TRPC6: variants seen among roughly 807,000 people sequenced by gnomAD.
TRPC6 encodes short transient receptor potential channel 6.
TRPC6 carries 55 observed loss-of-function variants against 90.7 expected under a neutral mutation model. That is an observed-to-expected ratio of 0.61 (90% CI 0.49 to 0.76). The LOEUF is 0.76. Among genes scored for constraint, TRPC6 ranks in the 30% least tolerant of loss-of-function variants. The probability of loss-of-function intolerance (pLI) is 0.00; values close to 1 mark genes in which losing one functional copy is unlikely to be tolerated. For missense variants in TRPC6, 989 were observed against 1,122.7 expected, an observed-to-expected ratio of 0.88 and a Z score of 1.70; for synonymous variants, 393 against 393.0, an observed-to-expected ratio of 1.00 and a Z score of 0.00.
At chr11:101,543,757 G>A (rs186267761) in intron 1 of TRPC6, among the ~76,000 whole-genome samples, 5 of 152,256 alleles carry the variant, frequency 3.3e-5, no homozygotes, top group East Asian at 1.9e-4. Flanking sequence ...AGACTTAAAT[G>A]TAAGAACTAA....
At position 101,470,809 on chromosome 11, in the gene TRPC6, C is replaced by CA. The variant is rs1161034906; in HGVS notation, c.2409+373_2409+374insT. On this transcript the variant is annotated intron_variant, in intron 9 of 12. Coordinates refer to ENST00000344327, the MANE Select transcript of TRPC6 (RefSeq NM_004621.6). ...CTAAGAGTTAATCAAGTTGCCCCGC[C>CA]CCCCCCCCCTCCCCGAGTCATAACA... Among the ~76,000 whole-genome samples, 13 of 43,300 alleles carry CA rather than the reference C, an allele frequency of 3.0e-4. No homozygotes were observed. In the Admixed American group the frequency reaches 3.7e-3, roughly 12 times the overall value. The allele number at this position is 43,300 out of a possible 152,430, so 28.4% of individuals were successfully genotyped here.
At chr11:101,467,731 C>T (rs1859183442) in intron 10 of TRPC6, among the ~76,000 whole-genome samples, 1 of 152,148 alleles carries the variant, frequency 6.6e-6, no homozygotes, top group African/African-American at 2.4e-5. Flanking sequence ...TATGGTCTCT[C>T]TCACATATCC....
In TRPC6 at chr11:101,573,964, G is replaced by C. The variant is rs941651028; in HGVS notation, c.170+9370C>G. On this transcript the variant is annotated intron_variant, in intron 1 of 12. Transcript: ENST00000344327. ...TGTGTGTGTGTGTGTGTGTATGTGT[G>C]TGTGTGTTGAGAAGGGTGGAGAGTA... Among the ~76,000 whole-genome samples the C allele has an allele frequency of 3.9e-4, 56 of 144,030 alleles. 3 individuals are homozygous for C. Among genetic ancestry groups the C allele is most frequent in the African/African-American group, 1.5e-3 (56 of 38,440 alleles). The allele number at this position is 144,030 out of a possible 152,430, so 94.5% of individuals were successfully genotyped here. A position where few individuals can be genotyped will look rare whatever the true frequency, so the allele number is the denominator to read the frequency against.
rs183000371 is a variant in TRPC6, at chr11:101,509,116, G to A, written c.171-4318C>T. Among the ~76,000 whole-genome samples, 9 of 147,294 alleles carry A rather than the reference G, an allele frequency of 6.1e-5. No individual in the cohort carries two copies. In the East Asian group the frequency reaches 1.8e-3, roughly 29 times the overall value. Reference sequence around the variant, plus strand: ...GGCAAGGACTGAGATGGTAATTGATGTAAGTTGTTTTGTCTTTTTCTTTTT... The same window carrying A: ...GGCAAGGACTGAGATGGTAATTGATATAAGTTGTTTTGTCTTTTTCTTTTT... On this transcript the variant is annotated intron_variant, in intron 1 of 12. Transcript: ENST00000344327.
At chr11:101,531,131 T>C (rs529215237) in intron 1 of TRPC6, among the ~76,000 whole-genome samples, 24 of 152,336 alleles carry the variant, frequency 1.6e-4, no homozygotes, top group African/African-American at 5.8e-4. Flanking sequence ...TGGTGATGGA[T>C]GTGTTGATTA....
chr11:101,583,038 A>C (rs1862234259), intron 1 of TRPC6: 1 of 379,290 alleles, frequency 2.6e-6, no homozygotes, highest in African/African-American at 2.2e-5. Context: ...GGAGAAATCG[A>C]CCACCCATCT....
rs186502777 is a variant in TRPC6 at position 101,561,265 on chromosome 11, G to A, written c.170+22069C>T. 2.2e-4 allele frequency among the ~76,000 whole-genome samples: 34 copies of A among 152,102 alleles called. 1 individual carries two copies. The highest frequency in any genetic ancestry group is 7.5e-4 in the African/African-American group (31 of 41,502). On this transcript the variant is annotated intron_variant, in intron 1 of 12. Transcript: ENST00000344327. ...ATCTTTTTAAAATATAAAGCTGTTA[G>A]GCAAATTGACAGCAACAAAAACTCA...
At chr11:101,507,032 C>CT (rs1860288549) in intron 1 of TRPC6, among the ~76,000 whole-genome samples, 1 of 150,592 alleles carries the variant, frequency 6.6e-6, no homozygotes, top group Non-Finnish European at 1.5e-5. Flanking sequence ...CACACACACA[C>CT]ACACACACAC....
intron 12 of TRPC6, 115 bp from the exon 13 acceptor site, chr11:101,453,221 C>G: frequency 9.2e-7 from 1 of 1,082,536 alleles, no homozygotes. Context: ...ATTTTGAATC[C>G]TTTGAAAGGA....
intron 5 of TRPC6, among the ~76,000 whole-genome samples, 160 bp from the exon 6 acceptor site, chr11:101,476,694 ATCCTAG>A (rs1859426008): frequency 6.6e-6 from 1 of 152,208 alleles, no homozygotes; most frequent in South Asian, 2.1e-4. Flanking sequence ...CCTCACAAAT[ATCCTAG>A]TCCAGAAATA....
intron 1 of TRPC6, among the ~76,000 whole-genome samples, chr11:101,523,530 C>T (rs1211399098): frequency 6.6e-6 from 1 of 152,144 alleles, no homozygotes; most frequent in Non-Finnish European, 1.5e-5. Context: ...TCAATAATAG[C>T]AGAAATAAAA....
chr11:101,540,398 AT>A (rs1861141898), intron 1 of TRPC6, among the ~76,000 whole-genome samples: 2 of 152,362 alleles, frequency 1.3e-5, no homozygotes, highest in African/African-American at 4.8e-5. Context: ...TCTTAAAGAC[AT>A]GGAGGAAAAG....
intron 1 of TRPC6, among the ~76,000 whole-genome samples, chr11:101,509,566 A>C: frequency 6.6e-6 from 1 of 152,208 alleles, no homozygotes; most frequent in Non-Finnish European, 1.5e-5. Context: ...TTAAAATAAC[A>C]ATCTATGACT....
At chr11:101,535,396 A>AT (rs10709017) in intron 1 of TRPC6, among the ~76,000 whole-genome samples, 134 of 124,366 alleles carry the variant, frequency 1.1e-3, no homozygotes, top group East Asian at 8.0e-3. Flanking sequence ...TCTTATTATT[A>AT]TTTTTTTTTT....
At position 101,558,460 on chromosome 11, in the gene TRPC6, T is replaced by TACACACACACACACAC. The variant is rs71056630; in HGVS notation, c.170+24858_170+24873dup. Among the ~76,000 whole-genome samples, 9 of 50,494 alleles carry TACACACACACACACAC rather than the reference T, an allele frequency of 1.8e-4. 3 individuals are homozygous for TACACACACACACACAC. Among genetic ancestry groups the TACACACACACACACAC allele is most frequent in the African/African-American group, 7.0e-4 (8 of 11,424 alleles). 33.1% of individuals were successfully genotyped at this position (50,494 alleles called of 152,430 possible). A position where few individuals can be genotyped will look rare whatever the true frequency, so the allele number is the denominator to read the frequency against. ...ATACATATATATACACACGCACACA[T>TACACACACACACACAC]ACACACACACACACACACACACACA... On this transcript the variant is annotated intron_variant, in intron 1 of 12. Coordinates refer to ENST00000344327, the MANE Select transcript of TRPC6 (RefSeq NM_004621.6).
chr11:101,500,952 T>C (rs1860105768), intron 2 of TRPC6, among the ~76,000 whole-genome samples: 1 of 152,182 alleles, frequency 6.6e-6, no homozygotes, highest in Admixed American at 6.6e-5. Flanking sequence ...AATGGCAATA[T>C]GTACACCATG....
chr11:101,501,486 T>A (rs533966896), intron 2 of TRPC6, among the ~76,000 whole-genome samples: 1 of 152,218 alleles, frequency 6.6e-6, no homozygotes, highest in South Asian at 2.1e-4. Context: ...AGACACCAAC[T>A]TCTCTATTCC....
intron 3 of TRPC6, among the ~76,000 whole-genome samples, chr11:101,489,776 A>G (rs763759257): frequency 2.1e-4 from 32 of 152,012 alleles, no homozygotes; most frequent in African/African-American, 6.5e-4. Flanking sequence ...ACAATATTTA[A>G]TATTAATATT....
chr11:101,521,413 G>A (rs1734051667), intron 1 of TRPC6, among the ~76,000 whole-genome samples: 2 of 152,362 alleles, frequency 1.3e-5, no homozygotes, highest in South Asian at 4.1e-4. Context: ...AGGCTTGGAA[G>A]CCTTTGTCTA....
Sources: gnomAD v4.1 joint callset for allele counts (sites outside exome capture counted in the v4.1 genomes callset) on GRCh38, gnomAD v4.1.1 for gene constraint, MANE v1.5 for transcripts, NCBI Gene and HGNC (gene_info 2026-07-23, HGNC 2026-07-21) for gene names.